GPATCH1: variants seen among roughly 807,000 people sequenced by gnomAD.
GPATCH1 encodes G patch domain-containing protein 1.
In GPATCH1, 73 loss-of-function variants were observed where a neutral mutation model predicts 114.9. That is an observed-to-expected ratio of 0.64 (90% CI 0.53 to 0.77). GPATCH1 has a LOEUF of 0.77. Among genes scored for constraint, GPATCH1 ranks in the 30% least tolerant of loss-of-function variants. GPATCH1 has a pLI of 0.00. For synonymous variants in GPATCH1, 391 were observed against 428.4 expected (o/e 0.91, Z 1.08); for missense variants, 1,058 against 1,144.3 (o/e 0.92, Z 1.09).
In GPATCH1 at chr19:33,090,708, G is replaced by T. The variant is rs551807060; in HGVS notation, c.209-72G>T. The T allele has an allele frequency of 7.8e-6, 7 of 892,248 alleles. No individual in the cohort carries two copies. The African/African-American group carries it at 8.2e-5, about 10-fold the overall frequency. The allele number at this position is 892,248 out of a possible 1,614,324, so 55.3% of individuals were successfully genotyped here. On this transcript the variant is annotated intron_variant, in intron 2 of 19. Transcript: ENST00000170564. ...TATTGGGAATTTCAAGTCCATACAT[G>T]TTATTTAATCATTTACTCATAGACC...
intron 3 of GPATCH1, among the ~76,000 whole-genome samples, chr19:33,091,655 A>G (rs575852483): frequency 6.6e-6 from 1 of 152,236 alleles, no homozygotes; most frequent in Non-Finnish European, 1.5e-5. Context: ...TGGGCTTAAT[A>G]CCTAGGTGAT....
At chr19:33,098,321 A>G (rs978474322) in intron 8 of GPATCH1, among the ~76,000 whole-genome samples, 27 of 152,250 alleles carry the variant, frequency 1.8e-4, no homozygotes, top group Admixed American at 1.4e-3. Flanking sequence ...GCCTGCAGCA[A>G]GATGGAGCTG....
chr19:33,095,756 T>C lies in GPATCH1; in HGVS notation c.554-6T>C, dbSNP rs1247325719. ...ATGACTATTGCATTTGAAATCTCTT[T>C]TCTAGATCCTGGAGTCAAAATCTAT... On this transcript the variant is annotated splice_polypyrimidine_tract_variant and splice_region_variant and intron_variant, in intron 5 of 19. Transcript: ENST00000170564. The C allele has an allele frequency of 9.3e-6, 15 of 1,604,906 alleles. No homozygotes were observed. Among genetic ancestry groups the C allele is most frequent in the Non-Finnish European group, 1.3e-5 (15 of 1,171,858 alleles).
chr19:33,106,039 G>A (rs1882034886), intron 9 of GPATCH1, among the ~76,000 whole-genome samples: 1 of 151,918 alleles, frequency 6.6e-6, no homozygotes, highest in African/African-American at 2.4e-5. Context: ...AGTAGAGATG[G>A]GGTTTCACCA....
At chr19:33,091,805 C>T (rs1312788662) in intron 3 of GPATCH1, among the ~76,000 whole-genome samples, 1 of 152,144 alleles carries the variant, frequency 6.6e-6, no homozygotes, top group Non-Finnish European at 1.5e-5. Flanking sequence ...ATGTGCGAGG[C>T]TGCAGGTAAG....
At chr19:33,115,952 T>G (rs1972912216) in intron 15 of GPATCH1, among the ~76,000 whole-genome samples, 1 of 152,192 alleles carries the variant, frequency 6.6e-6, no homozygotes, top group Non-Finnish European at 1.5e-5. Flanking sequence ...TTTTGTTTCT[T>G]TTTTTCCCCT....
chr19:33,127,533 A>G (rs1025146598), intron 19 of GPATCH1, among the ~76,000 whole-genome samples: 6 of 151,700 alleles, frequency 4.0e-5, no homozygotes, highest in African/African-American at 7.3e-5. Context: ...AAAAAAAAAA[A>G]AAAGAAAAGA....
chr19:33,082,728 C>T (rs765742050), intron 1 of GPATCH1, among the ~76,000 whole-genome samples: 9 of 152,084 alleles, frequency 5.9e-5, no homozygotes, highest in Admixed American at 3.3e-4. Flanking sequence ...GCTAGTCTTC[C>T]GAATGCTTTT....
intron 7 of GPATCH1, among the ~76,000 whole-genome samples, chr19:33,097,444 C>T (rs1434092574): frequency 6.6e-6 from 1 of 152,152 alleles, no homozygotes; most frequent in Non-Finnish European, 1.5e-5. Context: ...TCTTGGAAGC[C>T]ACATTTCCAC....
intron 1 of GPATCH1, among the ~76,000 whole-genome samples, chr19:33,083,386 C>T (rs2145296363): frequency 6.6e-6 from 1 of 150,822 alleles, no homozygotes; most frequent in South Asian, 2.1e-4. Context: ...CTGGCCCCAA[C>T]CATGTTTTTG....
chr19:33,115,225 ATTTTTTTTT>A (rs71176196), intron 15 of GPATCH1, among the ~76,000 whole-genome samples: 2 of 56,860 alleles, frequency 3.5e-5, no homozygotes, highest in African/African-American at 8.1e-5. Context: ...TGCCTGGCTA[ATTTTTTTTT>A]TTTTTTTTTT....
rs559004468 is a variant in GPATCH1, at chr19:33,124,237, A to G, written c.2522-868A>G. Among the ~76,000 whole-genome samples, 168 of 152,322 alleles carry G rather than the reference A, an allele frequency of 1.1e-3. 1 individual carries two copies. Among genetic ancestry groups the G allele is most frequent in the Admixed American group, 4.9e-3 (75 of 15,272 alleles). On this transcript the variant is annotated intron_variant, in intron 17 of 19. Transcript: ENST00000170564. The stretch of plus-strand genomic sequence containing the variant: ...TGAAATTTTGTTGATTTAGTTACCC[A>G]GAAATTAATGACCTATGAAAACATT...
At chr19:33,103,124 A>G (rs1398547277) in intron 9 of GPATCH1, among the ~76,000 whole-genome samples, 1 of 152,254 alleles carries the variant, frequency 6.6e-6, no homozygotes, top group African/African-American at 2.4e-5. Context: ...GTGTCTGGCC[A>G]TCTGCCTTGT....
chr19:33,090,973 G>C (rs1972588112), intron 3 of GPATCH1, 108 bp downstream of exon 3: 2 of 693,594 alleles, frequency 2.9e-6, no homozygotes, highest in Middle Eastern at 2.4e-4. Context: ...TTTCCTCTTT[G>C]TTTGTAAGGC....
Position 33,101,505 on chromosome 19 carries a change from A to C in GPATCH1, c.1011A>C (p.Lys337Asn). Residue 337 changes from lysine to asparagine, a missense_variant, in exon 9 of 20, where the codon AAA becomes AAC. This residue lies in a region of GPATCH1 where 893 missense variants were observed against 977.4 expected (regional missense o/e 0.91). Transcript: ENST00000170564. The part of the protein sequence containing the change: ...RQYKNQKESE[K>N]DLRYVGKILD... ...GACATCATTTTGTAGAATCAGAGAA[A>C]GACCTTCGGTACGTTGGCAAAATTT... is the stretch of plus-strand genomic sequence containing the variant. 1.3e-6 allele frequency: 2 copies of C among 1,575,464 alleles called. No individual in the cohort carries two copies. Among genetic ancestry groups the C allele is most frequent in the East Asian group, 2.2e-5 (1 of 44,698 alleles).
At chr19:33,091,131 G>A (rs1323012563) in intron 3 of GPATCH1, among the ~76,000 whole-genome samples, 1 of 152,120 alleles carries the variant, frequency 6.6e-6, no homozygotes, top group Admixed American at 6.6e-5. Context: ...AAGCCTCGTG[G>A]CTGGGTGCGG....
chr19:33,096,948 C>T (rs1292902494), intron 7 of GPATCH1, among the ~76,000 whole-genome samples: 1 of 138,792 alleles, frequency 7.2e-6, no homozygotes, highest in Non-Finnish European at 1.5e-5. Flanking sequence ...TTCTTTCTTT[C>T]TTTCTTTTTT....
chr19:33,128,838 C>A (rs541080511), intron 19 of GPATCH1, among the ~76,000 whole-genome samples: 12 of 152,298 alleles, frequency 7.9e-5, no homozygotes, highest in Non-Finnish European at 1.5e-4. Flanking sequence ...ATGTTTATCT[C>A]TTCTGTTGTG....
At chr19:33,114,504 C>A (rs1972895481) in intron 15 of GPATCH1, 85 bp downstream of exon 15, 1 of 1,054,784 alleles carries the variant, frequency 9.5e-7, no homozygotes, top group Admixed American at 2.5e-5. Flanking sequence ...TCGTGACTCA[C>A]CAGCAGAGGC....
Sources: gnomAD v4.1 joint callset for allele counts (sites outside exome capture counted in the v4.1 genomes callset) on GRCh38, gnomAD v4.1.1 for gene constraint, gnomAD v4.1.1 regional missense constraint, MANE v1.5 for transcripts, NCBI Gene and HGNC (gene_info 2026-07-23, HGNC 2026-07-21) for gene names.